TAF6L: variants seen among roughly 807,000 people sequenced by gnomAD.
TAF6L encodes the protein TAF6-like RNA polymerase II p300/CBP-associated factor-associated factor 65 kDa subunit 6L.
A neutral mutation model predicts 57.3 loss-of-function variants in TAF6L; 34 were observed. The observed-to-expected ratio is 0.59, with a 90% CI of 0.45 to 0.79. The LOEUF (loss-of-function observed/expected upper bound fraction) is 0.79. Ranked by LOEUF, TAF6L falls within the 30% of genes least tolerant of loss-of-function variation. TAF6L has a pLI of 0.00. For synonymous variants in TAF6L, 417 were observed against 376.3 expected (o/e 1.11, Z -1.25); for missense variants, 782 against 853.2 (o/e 0.92, Z 1.04).
rs764974653 is a variant in TAF6L, at chr11:62,782,316, G to A, written c.810G>A (p.Leu270=). 1 of 1,613,656 alleles carries A rather than the reference G, an allele frequency of 6.2e-7. No individual in the cohort carries two copies. The highest frequency in any genetic ancestry group is 1.1e-5 in the South Asian group (1 of 91,066). The part of the protein sequence containing the change: ...HWTLRDGAAL[L]LSHIFWTHGD... ...CTCTGCGGGATGGGGCTGCCCTCCT[G>A]CTCAGCCACATCTTCTGGTAGCCAC... Residue 270 remains leucine (L), a synonymous_variant, in exon 8 of 11, where the codon CTG becomes CTA. Transcript: ENST00000294168.
At chr11:62,776,826 G>C (rs1187868009) in intron 3 of TAF6L, among the ~76,000 whole-genome samples, 2 of 144,664 alleles carry the variant, frequency 1.4e-5, no homozygotes, top group African/African-American at 2.6e-5. Flanking sequence ...CTGGGCAACA[G>C]AGCAAGACCC....
intron 6 of TAF6L, chr11:62,781,647 A>G: frequency 2.7e-6 from 1 of 367,162 alleles, no homozygotes; most frequent in African/African-American, 2.6e-5. Flanking sequence ...TGGGCGACAG[A>G]GCGAGACTCG....
intron 3 of TAF6L, 52 bp from the exon 4 acceptor site, chr11:62,777,926 C>T (rs1443229609): frequency 1.7e-5 from 27 of 1,596,048 alleles, no homozygotes; most frequent in East Asian, 2.2e-5. Context: ...TGGATCCTGA[C>T]GCCTGCTCCC....
chr11:62,772,545 C>T (rs552039552), intron 1 of TAF6L, among the ~76,000 whole-genome samples: 1 of 135,286 alleles, frequency 7.4e-6, no homozygotes, highest in Non-Finnish European at 1.6e-5. Context: ...AAAAGCTCGT[C>T]GGGCCAGGTG....
intron 1 of TAF6L, among the ~76,000 whole-genome samples, chr11:62,772,708 T>C (rs1590931464): frequency 7.3e-6 from 1 of 137,902 alleles, no homozygotes; most frequent in East Asian, 2.2e-4. Context: ...CACAGGCCTG[T>C]AATCCCAGCT....
At chr11:62,784,071 C>G (rs1323709359) in intron 9 of TAF6L, among the ~76,000 whole-genome samples, 1 of 26,156 alleles carries the variant, frequency 3.8e-5, no homozygotes, top group Non-Finnish European at 7.7e-5. Context: ...TCACTGCAAC[C>G]TCCACCTCCC....
chr11:62,775,556 C>A, intron 1 of TAF6L: 1 of 521,920 alleles, frequency 1.9e-6, no homozygotes, highest in Non-Finnish European at 3.4e-6. Context: ...CTGTGAACCC[C>A]AACACTTTGG....
intron 3 of TAF6L, among the ~76,000 whole-genome samples, chr11:62,776,991 A>C (rs2084192922): frequency 1.3e-5 from 2 of 152,024 alleles, no homozygotes; most frequent in African/African-American, 2.4e-5. Flanking sequence ...TACTAAAAAT[A>C]CAAAAATTAG....
Position 62,787,319 on chromosome 11 carries a change from G to T in TAF6L, c.*23G>T, listed in dbSNP as rs199666158. 456 of 1,526,466 alleles carry T rather than the reference G, an allele frequency of 3.0e-4. No homozygotes were observed. The highest frequency in any genetic ancestry group is 3.6e-4 in the Non-Finnish European group (408 of 1,143,682). The allele number at this position is 1,526,466 out of a possible 1,614,324, so 94.6% of individuals were successfully genotyped here. On this transcript the variant is annotated 3_prime_UTR_variant, in exon 11 of 11. Transcript: ENST00000294168. ...TGAGTCAGTGGCCCCTTCGTTCCTT[G>T]TAAATAAATCCCGCCCCCGGAAATG...
rs756318183 is a variant in TAF6L at position 62,782,365 on chromosome 11, T to C, written c.827+32T>C. On this transcript the variant is annotated intron_variant, in intron 8 of 10. Coordinates refer to ENST00000294168, the MANE Select transcript of TAF6L (RefSeq NM_006473.4). ...ACTGGGCCTAAACCTGCGGGTGGGA[T>C]TGCTGCAGAGCCAAGTGGGTTGGGG... 35 of 1,603,810 alleles carry C rather than the reference T, an allele frequency of 2.2e-5. No individual in the cohort carries two copies. The South Asian group carries it at 3.5e-4, about 16-fold the overall frequency.
Position 62,782,800 on chromosome 11 carries a change from T to C in TAF6L, c.935T>C (p.Val312Ala). 1.9e-6 allele frequency: 3 copies of C among 1,613,976 alleles called. No individual in the cohort carries two copies. Residue 312 changes from valine to alanine, a missense_variant, in exon 9 of 11, where the codon GTG (valine) becomes GCG (alanine). Coordinates refer to ENST00000294168, the MANE Select transcript of TAF6L (RefSeq NM_006473.4). ...RPLCCHYGAV[V>A]GLHALGWKAV... The stretch of plus-strand genomic sequence containing the variant: ...CTCTGCTGCCACTATGGAGCCGTGG[T>C]GGGGCTGCATGCTCTTGGCTGGAAG...
intron 6 of TAF6L, chr11:62,781,587 T>G: frequency 3.4e-6 from 1 of 297,574 alleles, no homozygotes; most frequent in Non-Finnish European, 6.4e-6. Context: ...GGCAGGAGAA[T>G]GGTGTAAAAC....
rs2084237035 is a variant in TAF6L, at chr11:62,782,388, G to T, written c.827+55G>T. ...GATTGCTGCAGAGCCAAGTGGGTTGGGGTAAGGAAATGGGGCGAAGCCTCT... is the reference window on the plus strand; with the variant it reads ...GATTGCTGCAGAGCCAAGTGGGTTGTGGTAAGGAAATGGGGCGAAGCCTCT... On this transcript the variant is annotated intron_variant, in intron 8 of 10. Transcript: ENST00000294168. 7 of 1,572,274 alleles carry T rather than the reference G, an allele frequency of 4.5e-6. No individual in the cohort carries two copies. The South Asian group carries it at 7.9e-5, about 18-fold the overall frequency.
rs1590935002 is a variant in TAF6L, at chr11:62,779,810, G to C, written c.531+847G>C. On this transcript the variant is annotated intron_variant, in intron 6 of 10. Coordinates refer to ENST00000294168, the MANE Select transcript of TAF6L (RefSeq NM_006473.4). ...CTTCCCAAGTAGCTGGGATTACAGG[G>C]GCATACCACCATGCCTGGCTAATTT... 4.0e-5 allele frequency among the ~76,000 whole-genome samples: 6 copies of C among 148,666 alleles called. No homozygotes were observed. The East Asian group carries it at 1.2e-3, about 30-fold the overall frequency.
Position 62,782,611 on chromosome 11 carries a change from G to A in TAF6L, c.828-82G>A, listed in dbSNP as rs1590936811. 5.1e-6 allele frequency: 8 copies of A among 1,568,124 alleles called. No homozygotes were observed. The East Asian group carries it at 1.8e-4, about 35-fold the overall frequency. Reference sequence around the variant, plus strand: ...GCACTCCCGAGTGTGCTGTACAGATGCTATTCTCTTTGTGTTGTCTTGTGC... The same window carrying A: ...GCACTCCCGAGTGTGCTGTACAGATACTATTCTCTTTGTGTTGTCTTGTGC... On this transcript the variant is annotated intron_variant, in intron 8 of 10. Transcript: ENST00000294168.
Position 62,779,977 on chromosome 11 carries a change from T to TATATA in TAF6L, c.531+1014_531+1015insATATA, listed in dbSNP as rs1491411798. ...CTATATATATATATATATATATATA[T>TATATA]TTTTTTTTTTTTTTTTTTTAGAGAC... On this transcript the variant is annotated intron_variant, in intron 6 of 10. Coordinates refer to ENST00000294168, the MANE Select transcript of TAF6L (RefSeq NM_006473.4). Among the ~76,000 whole-genome samples, 26 of 40,130 alleles carry TATATA rather than the reference T, an allele frequency of 6.5e-4. No homozygotes were observed. In the South Asian group the frequency reaches 9.9e-3, roughly 15 times the overall value. 26.3% of individuals were successfully genotyped at this position (40,130 alleles called of 152,430 possible).
intron 1 of TAF6L, among the ~76,000 whole-genome samples, chr11:62,775,436 G>T (rs933138487): frequency 6.6e-6 from 1 of 152,200 alleles, no homozygotes; most frequent in East Asian, 1.9e-4. Context: ...GAGCTAGAGA[G>T]GGCAGGAATT....
intron 5 of TAF6L, 101 bp downstream of exon 5, chr11:62,778,436 T>A: frequency 1.4e-6 from 2 of 1,382,270 alleles, no homozygotes; most frequent in Non-Finnish European, 2.0e-6. Flanking sequence ...AACATGTGTT[T>A]ACCCATGCCT....
chr11:62,776,549 G>A (rs2084189673), intron 3 of TAF6L, 79 bp downstream of exon 3: 6 of 1,436,070 alleles, frequency 4.2e-6, no homozygotes, highest in South Asian at 1.2e-5. Context: ...GCGATGTGGT[G>A]AGACATTAAG....
Sources: gnomAD v4.1 joint callset for allele counts (sites outside exome capture counted in the v4.1 genomes callset) on GRCh38, gnomAD v4.1.1 for gene constraint, MANE v1.5 for transcripts, NCBI Gene and HGNC (gene_info 2026-07-23, HGNC 2026-07-21) for gene names.